The following PLEKHO2 variants were observed in gnomAD, a reference collection of about 807,000 sequenced individuals.
The protein encoded by PLEKHO2 is pleckstrin homology domain-containing family O member 2.
A neutral mutation model predicts 32.7 loss-of-function variants in PLEKHO2; 20 were observed. That is an observed-to-expected ratio of 0.61 (90% CI 0.43 to 0.89). The LOEUF (loss-of-function observed/expected upper bound fraction) is 0.89. Among genes scored for constraint, PLEKHO2 ranks in the 40% least tolerant of loss-of-function variants. PLEKHO2 has a pLI of 0.00. For missense variants in PLEKHO2, 568 were observed against 621.2 expected, an observed-to-expected ratio of 0.91 and a Z score of 0.91; for synonymous variants, 247 against 246.3, an observed-to-expected ratio of 1.00 and a Z score of -0.03.
Position 64,865,550 on chromosome 15 carries a change from G to T in PLEKHO2, c.1135G>T (p.Asp379Tyr), listed in dbSNP as rs768184326. 1.2e-6 allele frequency: 2 copies of T among 1,614,160 alleles called. No homozygotes were observed. The highest frequency in any genetic ancestry group is 3.3e-5 in the Admixed American group (2 of 60,024). ...AACATCCACAGCACTGCCCCCCTGG[G>T]ACCTGCCACCTCAGTTCCATCCCCG... is the stretch of plus-strand genomic sequence containing the variant. ...ATTSTALPPW[D>Y]LPPQFHPRCS... Residue 379 changes from aspartate (D) to tyrosine (Y), a missense_variant, in exon 6 of 6, where the codon GAC becomes TAC. Asp to Tyr is a radical substitution (Grantham distance 160, BLOSUM62 -3). Coordinates refer to ENST00000323544, the MANE Select transcript of PLEKHO2 (RefSeq NM_025201.5).
At chr15:64,860,509 AG>A (rs1477882823) in intron 4 of PLEKHO2, among the ~76,000 whole-genome samples, 2 of 152,242 alleles carry the variant, frequency 1.3e-5, no homozygotes, top group East Asian at 3.8e-4. Flanking sequence ...GGCTTGGGGC[AG>A]GCAGAGCATC....
intron 2 of PLEKHO2, among the ~76,000 whole-genome samples, chr15:64,850,846 T>C (rs1461513487): frequency 1.3e-5 from 2 of 152,246 alleles, no homozygotes; most frequent in Admixed American, 6.5e-5. Context: ...TTGTGTGCTG[T>C]GGTTGAGGCT....
At chr15:64,845,879 C>T (rs149572727) in intron 1 of PLEKHO2, among the ~76,000 whole-genome samples, 71 of 152,212 alleles carry the variant, frequency 4.7e-4, no homozygotes, top group Middle Eastern at 3.4e-3. Flanking sequence ...GGTGGGTCCC[C>T]TGAAAGCAAG....
At chr15:64,857,867 C>G (rs2084615732) in intron 3 of PLEKHO2, among the ~76,000 whole-genome samples, 1 of 152,200 alleles carries the variant, frequency 6.6e-6, no homozygotes, top group Non-Finnish European at 1.5e-5. Context: ...GCGAGTAGAA[C>G]TTGGTAATCT....
At chr15:64,853,170 C>T (rs962557672) in intron 2 of PLEKHO2, among the ~76,000 whole-genome samples, 1 of 151,766 alleles carries the variant, frequency 6.6e-6, no homozygotes, top group African/African-American at 2.4e-5. Flanking sequence ...AATTCGCATC[C>T]ATCAAAATCC....
chr15:64,866,574 C>CT lies in PLEKHO2; in HGVS notation c.*687dup, dbSNP rs1455641316. On this transcript the variant is annotated 3_prime_UTR_variant, in exon 6 of 6. Coordinates refer to ENST00000323544, the MANE Select transcript of PLEKHO2 (RefSeq NM_025201.5). ...AGGACATTTTCTGCAGCCCCTTCCT[C>CT]TCAGTGAGCTATGATTGGAGGGCTT... 1.7e-5 allele frequency: 6 copies of CT among 354,742 alleles called. No homozygotes were observed. The highest frequency in any genetic ancestry group is 3.4e-5 in the Non-Finnish European group (6 of 178,724). The allele number at this position is 354,742 out of a possible 1,614,324, so 22.0% of individuals were successfully genotyped here.
chr15:64,850,515 G>T (rs1260576565), intron 2 of PLEKHO2, among the ~76,000 whole-genome samples: 1 of 152,208 alleles, frequency 6.6e-6, no homozygotes, highest in Admixed American at 6.5e-5. Flanking sequence ...GTCATCACCT[G>T]TCAGACCCAC....
chr15:64,844,874 G>A (rs978631465), intron 1 of PLEKHO2, among the ~76,000 whole-genome samples: 3 of 152,148 alleles, frequency 2.0e-5, no homozygotes, highest in Admixed American at 6.5e-5. Flanking sequence ...CTATGTCTCT[G>A]CCAATAGGCT....
At chr15:64,847,783 G>A (rs947345707) in intron 1 of PLEKHO2, among the ~76,000 whole-genome samples, 4 of 152,192 alleles carry the variant, frequency 2.6e-5, no homozygotes, top group African/African-American at 9.6e-5. Context: ...AGATGTGGTG[G>A]CCACCCTAAG....
At chr15:64,842,525 G>T (rs762986515) in intron 1 of PLEKHO2, among the ~76,000 whole-genome samples, 1 of 151,836 alleles carries the variant, frequency 6.6e-6, no homozygotes, top group African/African-American at 2.4e-5. Context: ...GTGTTGGGGG[G>T]TTCCTGTCTC....
chr15:64,842,032 A>AGGG lies in PLEKHO2; in HGVS notation c.12+5_12+7dup, dbSNP rs888207440. On this transcript the variant is annotated splice_donor_region_variant and intron_variant, in intron 1 of 5. Transcript: ENST00000323544. ...CGGACTCGCCATGGAGGAGGAGGTGAGGGCGGGGCCCGGCGGGGCGTTGGG... is the reference window on the plus strand; with the variant it reads ...CGGACTCGCCATGGAGGAGGAGGTGAGGGGGGCGGGGCCCGGCGGGGCGTTGGG... The AGGG allele has an allele frequency of 3.2e-6, 4 of 1,240,452 alleles. No individual in the cohort carries two copies. In the African/African-American group the frequency reaches 6.2e-5, roughly 19 times the overall value. The allele number at this position is 1,240,452 out of a possible 1,614,324, so 76.8% of individuals were successfully genotyped here. A position where few individuals can be genotyped will look rare whatever the true frequency, so the allele number is the denominator to read the frequency against.
At chr15:64,855,723 C>G (rs1487367783) in intron 3 of PLEKHO2, among the ~76,000 whole-genome samples, 1 of 152,160 alleles carries the variant, frequency 6.6e-6, no homozygotes, top group Non-Finnish European at 1.5e-5. Context: ...GGAGCGAGTT[C>G]AGATTTGAGG....
chr15:64,863,661 C>G (rs993183039), intron 5 of PLEKHO2, among the ~76,000 whole-genome samples: 1 of 151,616 alleles, frequency 6.6e-6, no homozygotes, highest in Non-Finnish European at 1.5e-5. Context: ...CATCGTGGCA[C>G]ATGCCTGTGG....
At chr15:64,860,693 T>C (rs955462314) in intron 4 of PLEKHO2, among the ~76,000 whole-genome samples, 5 of 152,234 alleles carry the variant, frequency 3.3e-5, no homozygotes, top group Admixed American at 6.5e-5. Context: ...TCCCAGCCCA[T>C]AGCTCCTATG....
intron 4 of PLEKHO2, 105 bp from the exon 5 acceptor site, chr15:64,861,372 G>A: frequency 1.3e-6 from 1 of 744,874 alleles, no homozygotes; most frequent in Non-Finnish European, 2.1e-6. Flanking sequence ...TCCCAGAGAG[G>A]GCAGCGGTGG....
chr15:64,844,881 G>A (rs958338992), intron 1 of PLEKHO2, among the ~76,000 whole-genome samples: 8 of 152,140 alleles, frequency 5.3e-5, no homozygotes, highest in African/African-American at 1.4e-4. Context: ...TCTGCCAATA[G>A]GCTGGAGCCT....
Position 64,866,072 on chromosome 15 carries a change from G to A in PLEKHO2, c.*184G>A. The A allele has an allele frequency of 1.3e-6, 1 of 786,454 alleles. No homozygotes were observed. The highest frequency in any genetic ancestry group is 2.0e-6 in the Non-Finnish European group (1 of 507,846). 48.7% of individuals were successfully genotyped at this position (786,454 alleles called of 1,614,324 possible). A position where few individuals can be genotyped will look rare whatever the true frequency, so the allele number is the denominator to read the frequency against. On this transcript the variant is annotated 3_prime_UTR_variant, in exon 6 of 6. Transcript: ENST00000323544. ...CCTTCCTACTCTGCTCTGGCCAGTG[G>A]TGCCAGGTGCCACCCAGGGCTACTG... is the stretch of plus-strand genomic sequence containing the variant.
At chr15:64,848,466 G>A (rs2084539559) in intron 1 of PLEKHO2, 127 bp from the exon 2 acceptor site, 4 of 1,062,912 alleles carry the variant, frequency 3.8e-6, no homozygotes, top group South Asian at 3.1e-5. Flanking sequence ...GGGTTGTGGG[G>A]AAGCTCACAT....
chr15:64,848,707 C>T lies in PLEKHO2; in HGVS notation c.127C>T (p.Leu43Phe). The T allele has an allele frequency of 1.2e-6, 2 of 1,614,166 alleles. No homozygotes were observed. Among genetic ancestry groups the T allele is most frequent in the Non-Finnish European group, 1.7e-6 (2 of 1,180,034 alleles). Reference protein sequence around the residue: ...LGFWKDRYLLLCQAQLLVYEN... With the variant: ...LGFWKDRYLLFCQAQLLVYEN... ...TTTCTGGAAAGACCGATATCTGCTC[C>T]TCTGCCAGGCCCAGCTGCTGGTCTA... The change falls in exon 2 of 6, where the codon CTC becomes TTC. Residue 43 changes from leucine (L) to phenylalanine (F), a missense_variant. Physicochemically the swap from Leu to Phe is conservative, Grantham distance 22. Transcript: ENST00000323544.
Sources: gnomAD v4.1 joint callset for allele counts (sites outside exome capture counted in the v4.1 genomes callset) on GRCh38, gnomAD v4.1.1 for gene constraint, MANE v1.5 for transcripts, NCBI Gene and HGNC (gene_info 2026-07-23, HGNC 2026-07-21) for gene names.